DCAF5: variants seen among roughly 807,000 people sequenced by gnomAD.
DCAF5 encodes DDB1- and CUL4-associated factor 5.
A neutral mutation model predicts 80.7 loss-of-function variants in DCAF5; 9 were observed. The observed-to-expected ratio is 0.11, with a 90% CI of 0.07 to 0.19. DCAF5 has a LOEUF of 0.19. Among genes scored for constraint, DCAF5 ranks in the 10% least tolerant of loss-of-function variants. DCAF5 has a pLI of 1.00. For synonymous variants in DCAF5, 433 were observed against 461.9 expected, an observed-to-expected ratio of 0.94 and a Z score of 0.80; for missense variants, 842 against 1,205.7, an observed-to-expected ratio of 0.70 and a Z score of 4.47.
rs1363265444 is a variant in DCAF5, at chr14:69,055,923, C to T, written c.1075-312G>A. On this transcript the variant is annotated intron_variant, in intron 8 of 8. Transcript: ENST00000341516. The surrounding 1 kb of genome is among the most constrained non-coding windows in gnomAD (Gnocchi z 5.6). ...CACATACTTTCTCCACCAGAATCTT[C>T]CTCCCTTTTAGTTTCATCTATTAGT... Among the ~76,000 whole-genome samples, 1 of 152,140 alleles carries T rather than the reference C, an allele frequency of 6.6e-6. No individual in the cohort carries two copies. Among genetic ancestry groups the T allele is most frequent in the Non-Finnish European group, 1.5e-5 (1 of 68,024 alleles).
intron 5 of DCAF5, among the ~76,000 whole-genome samples, chr14:69,110,876 CAAAAAAAAAAA>C (rs35812611): frequency 6.8e-4 from 31 of 45,528 alleles, no homozygotes; most frequent in Admixed American, 4.7e-3. Flanking sequence ...GACCCTGTCT[CAAAAAAAAAAA>C]AAAAAAAAAA....
intron 7 of DCAF5, among the ~76,000 whole-genome samples, chr14:69,070,725 ACTT>A (rs966081809): frequency 2.0e-5 from 3 of 151,876 alleles, no homozygotes; most frequent in South Asian, 2.1e-4. Flanking sequence ...ATTCCAATGG[ACTT>A]CTTCTCTGCC....
At chr14:69,137,826 T>C (rs2041241467) in intron 1 of DCAF5, among the ~76,000 whole-genome samples, 1 of 152,200 alleles carries the variant, frequency 6.6e-6, no homozygotes, top group Admixed American at 6.5e-5. Flanking sequence ...CACATAACTT[T>C]TATTACAGTA....
At position 69,054,954 on chromosome 14, in the gene DCAF5, G is replaced by C; in HGVS notation, c.1732C>G (p.Arg578Gly). 1 of 1,614,220 alleles carries C rather than the reference G, an allele frequency of 6.2e-7. No homozygotes were observed. The highest frequency in any genetic ancestry group is 8.5e-7 in the Non-Finnish European group (1 of 1,180,046). Residue 578 changes from arginine to glycine, a missense_variant, in exon 9 of 9, where the codon CGA (arginine) becomes GGA (glycine). This residue lies in a region of DCAF5 where 607 missense variants were observed against 656.6 expected (regional missense o/e 0.92). Coordinates refer to ENST00000341516, the MANE Select transcript of DCAF5 (RefSeq NM_003861.3). Reference protein sequence around the residue: ...SEDEEELNERRASTWQRNAMR... With the variant: ...SEDEEELNERGASTWQRNAMR... ...GCATTCCGCTGCCAGGTAGAGGCTC[G>C]GCGTTCATTCAGCTCCTCCTCATCC...
chr14:69,075,173 G>A (rs1343580582), intron 7 of DCAF5, among the ~76,000 whole-genome samples, 172 bp downstream of exon 7: 4 of 152,192 alleles, frequency 2.6e-5, no homozygotes, highest in Non-Finnish European at 5.9e-5. Context: ...GACTATGTCT[G>A]AGGGATATAG....
At chr14:69,091,918 T>G (rs1396809282) in intron 5 of DCAF5, 31 bp from the exon 6 acceptor site, 4 of 1,564,362 alleles carry the variant, frequency 2.6e-6, no homozygotes, top group Non-Finnish European at 3.5e-6. Flanking sequence ...GAATCAGGCA[T>G]GAGATAGGCT....
chr14:69,135,635 C>A (rs1163687849), intron 1 of DCAF5, among the ~76,000 whole-genome samples: 1 of 152,050 alleles, frequency 6.6e-6, no homozygotes, highest in Non-Finnish European at 1.5e-5. Context: ...CCTGTCACCT[C>A]AAGGAAAATA....
chr14:69,090,222 C>T, intron 6 of DCAF5: 1 of 541,550 alleles, frequency 1.8e-6, no homozygotes, highest in East Asian at 1.5e-4. Context: ...ATTTCCACAG[C>T]CAGACAAAGC....
At chr14:69,079,672 T>C (rs1290660202) in intron 6 of DCAF5, among the ~76,000 whole-genome samples, 3 of 152,154 alleles carry the variant, frequency 2.0e-5, no homozygotes, top group Non-Finnish European at 2.9e-5. Flanking sequence ...CAAATATTTA[T>C]TGAATGTCTA....
rs889715013 is a variant in DCAF5 at position 69,118,528 on chromosome 14, A to G, written c.396-250T>C. ...AAATAAGCATATTTAAAAGTGACTC[A>G]ATAGCTGAGTTTTGTATTTTCATTT... On this transcript the variant is annotated intron_variant, in intron 3 of 8. Transcript: ENST00000341516. The surrounding 1 kb of genome is among the most constrained non-coding windows in gnomAD (Gnocchi z 4.0). 6.6e-6 allele frequency among the ~76,000 whole-genome samples: 1 copy of G among 152,200 alleles called. No homozygotes were observed. Among genetic ancestry groups the G allele is most frequent in the Non-Finnish European group, 1.5e-5 (1 of 68,036 alleles).
intron 7 of DCAF5, among the ~76,000 whole-genome samples, chr14:69,071,322 G>C (rs1399281723): frequency 6.6e-6 from 1 of 152,052 alleles, no homozygotes; most frequent in Non-Finnish European, 1.5e-5. Flanking sequence ...AAAAAACAAA[G>C]ACTGATTAAC....
intron 6 of DCAF5, among the ~76,000 whole-genome samples, chr14:69,076,764 T>A (rs1243570162): frequency 2.6e-5 from 4 of 152,206 alleles, no homozygotes; most frequent in Non-Finnish European, 5.9e-5. Context: ...TTTAAATGGT[T>A]AAAATGGTAA....
chr14:69,130,482 A>G (rs1191500317), intron 1 of DCAF5, among the ~76,000 whole-genome samples: 1 of 152,328 alleles, frequency 6.6e-6, no homozygotes, highest in East Asian at 1.9e-4. Context: ...AAGATGAAAA[A>G]TTCTAAAGAT....
At chr14:69,087,272 G>C (rs1033229853) in intron 6 of DCAF5, among the ~76,000 whole-genome samples, 1 of 152,196 alleles carries the variant, frequency 6.6e-6, no homozygotes, top group African/African-American at 2.4e-5. Flanking sequence ...CGCTCACTGA[G>C]TATGTAGAGA....
intron 1 of DCAF5, among the ~76,000 whole-genome samples, chr14:69,138,290 C>A (rs1205249509): frequency 3.3e-5 from 5 of 152,136 alleles, no homozygotes. Flanking sequence ...TCTGGATTTG[C>A]AAAGAATTCC....
chr14:69,084,049 A>C, intron 6 of DCAF5: 1 of 781,276 alleles, frequency 1.3e-6, no homozygotes, highest in Non-Finnish European at 2.4e-6. Flanking sequence ...GCAGCTACAA[A>C]AACCGTCAGT....
intron 4 of DCAF5, among the ~76,000 whole-genome samples, chr14:69,117,184 T>C (rs2040567847): frequency 6.6e-6 from 1 of 152,208 alleles, no homozygotes; most frequent in South Asian, 2.1e-4. Context: ...CCATATGCAG[T>C]ATTTCACAGG....
intron 6 of DCAF5, among the ~76,000 whole-genome samples, chr14:69,078,163 AAACTACAAC>A (rs1294195421): frequency 2.6e-5 from 4 of 152,230 alleles, no homozygotes; most frequent in African/African-American, 7.2e-5. Flanking sequence ...AAAGTTTCCT[AAACTACAAC>A]AACAACAAAG....
At chr14:69,116,637 CCACCAGT>C in intron 4 of DCAF5, 142 bp from the exon 5 acceptor site, 1 of 883,852 alleles carries the variant, frequency 1.1e-6, no homozygotes, top group Non-Finnish European at 1.7e-6. Flanking sequence ...GCACATAATC[CCACCAGT>C]CACCTCTACT....
Sources: gnomAD v4.1 joint callset for allele counts (sites outside exome capture counted in the v4.1 genomes callset) on GRCh38, gnomAD v4.1.1 for gene constraint, gnomAD v4.1.1 regional missense constraint, Gnocchi (gnomAD v3.1) non-coding constraint, MANE v1.5 for transcripts, NCBI Gene and HGNC (gene_info 2026-07-23, HGNC 2026-07-21) for gene names.